The following STYXL2 variants were observed in gnomAD, a reference collection of about 807,000 sequenced individuals.
The protein encoded by STYXL2 is serine/threonine/tyrosine interacting like 2, also known as serine/threonine/tyrosine-interacting-like protein 2.
Under a neutral mutation model 52.4 loss-of-function variants are expected in STYXL2, and 44 were observed. That is an observed-to-expected ratio of 0.84 (90% CI 0.66 to 1.08). The LOEUF (loss-of-function observed/expected upper bound fraction) is 1.08, where lower values mean the gene tolerates loss of function less well. Ranked by LOEUF, STYXL2 falls within the 50% of genes least tolerant of loss-of-function variation. The pLI is 0.00. For missense variants in STYXL2, 1,604 were observed against 1,471.7 expected (o/e 1.09, Z -1.47); for synonymous variants, 604 against 586.9 (o/e 1.03, Z -0.42).
Position 167,128,073 on chromosome 1 carries a change from C to T in STYXL2, c.2942C>T (p.Ser981Phe), listed in dbSNP as rs942822032. Reference sequence around the variant, plus strand: ...TCTAAATCCTCCAGTTACAAGTTTTCCAAATCCCAGTCAGAGGAACAGGAC... The same window carrying T: ...TCTAAATCCTCCAGTTACAAGTTTTTCAAATCCCAGTCAGAGGAACAGGAC... ...TESKSSSYKF[S>F]KSQSEEQDTS... Residue 981 changes from serine to phenylalanine, a missense_variant, in exon 6 of 6, where the codon TCC (serine) becomes TTC (phenylalanine). Physicochemically the swap from Ser to Phe is radical, Grantham distance 155. Coordinates refer to ENST00000361200, the MANE Select transcript of STYXL2 (RefSeq NM_001080426.3). 3.7e-6 allele frequency: 6 copies of T among 1,614,074 alleles called. No homozygotes were observed. The Admixed American group carries it at 8.3e-5, about 22-fold the overall frequency.
chr1:167,119,175 A>T, intron 4 of STYXL2, 74 bp from the exon 5 acceptor site: 1 of 1,432,162 alleles, frequency 7.0e-7, no homozygotes, highest in Non-Finnish European at 9.7e-7. Context: ...TGGCTGAGGC[A>T]GGCTCACCGT....
At chr1:167,123,463 A>G (rs1425568632) in intron 5 of STYXL2, among the ~76,000 whole-genome samples, 1 of 152,214 alleles carries the variant, frequency 6.6e-6, no homozygotes, top group Non-Finnish European at 1.5e-5. Context: ...TCCACCTCCA[A>G]AGAAAACCAG....
intron 2 of STYXL2, among the ~76,000 whole-genome samples, chr1:167,101,180 T>G (rs558135243): frequency 5.6e-4 from 85 of 152,294 alleles, no homozygotes; most frequent in African/African-American, 1.7e-3. Context: ...TGAATACATA[T>G]TCACCAAAAA....
intron 4 of STYXL2, among the ~76,000 whole-genome samples, chr1:167,117,857 C>G (rs1667763402): frequency 6.6e-6 from 1 of 152,206 alleles, no homozygotes; most frequent in Admixed American, 6.5e-5. Flanking sequence ...CCGACTTCAC[C>G]ATCTCATGAC....
intron 2 of STYXL2, among the ~76,000 whole-genome samples, chr1:167,107,120 G>A (rs999132875): frequency 1.3e-5 from 2 of 152,152 alleles, no homozygotes; most frequent in African/African-American, 4.8e-5. Flanking sequence ...CTGTTGGCTG[G>A]GAGCTCAGCA....
chr1:167,113,642 T>C, intron 2 of STYXL2, 68 bp from the exon 3 acceptor site: 1 of 1,216,084 alleles, frequency 8.2e-7, no homozygotes, highest in Non-Finnish European at 1.2e-6. Context: ...GCCAGGTTTC[T>C]CATCTAAAAG....
chr1:167,127,404 C>A lies in STYXL2; in HGVS notation c.2273C>A (p.Pro758Gln). ...TCTGTTGCAAGCATGAAGGCAGTAC[C>A]AGCGGCTAGCTGCCTGGGGGATGAC... ...SPSVASMKAV[P>Q]AASCLGDDQV... The change falls in exon 6 of 6, where the codon CCA becomes CAA. Residue 758 changes from proline to glutamine, a missense_variant. By Grantham distance (76) the Pro-to-Gln change is moderately conservative. Transcript: ENST00000361200. 1 of 1,614,130 alleles carries A rather than the reference C, an allele frequency of 6.2e-7. No individual in the cohort carries two copies. Among genetic ancestry groups the A allele is most frequent in the Non-Finnish European group, 8.5e-7 (1 of 1,180,026 alleles).
chr1:167,104,545 T>C (rs1209353465), intron 2 of STYXL2, among the ~76,000 whole-genome samples: 4 of 152,160 alleles, frequency 2.6e-5, no homozygotes, highest in African/African-American at 7.2e-5. Context: ...TTTCGTTATG[T>C]TTCTTTGGGA....
chr1:167,112,063 G>A (rs115941624), intron 2 of STYXL2, among the ~76,000 whole-genome samples: 1,800 of 152,122 alleles, frequency 0.012, 32 homozygotes, highest in African/African-American at 0.041. Context: ...GGCCAGACCC[G>A]CCCATGCAGC....
At position 167,126,436 on chromosome 1, in the gene STYXL2, C is replaced by G. The variant is rs1236372286; in HGVS notation, c.1305C>G (p.Ser435Arg). ...SSVGRRRRTL[S>R]ESSAWESVSS... is the part of the protein sequence containing the mutation. ...TGGGGAGGCGGCGGCGCACCCTGAG[C>G]GAGAGCAGCGCCTGGGAGAGCGTGA... Residue 435 changes from serine (S) to arginine (R), a missense_variant, in exon 6 of 6, where the codon AGC becomes AGG. Coordinates refer to ENST00000361200, the MANE Select transcript of STYXL2 (RefSeq NM_001080426.3). 3.8e-6 allele frequency: 6 copies of G among 1,571,562 alleles called. No homozygotes were observed. Among genetic ancestry groups the G allele is most frequent in the Non-Finnish European group, 5.2e-6 (6 of 1,159,198 alleles).
At chr1:167,114,909 G>A (rs1359534535) in intron 3 of STYXL2, among the ~76,000 whole-genome samples, 1 of 151,948 alleles carries the variant, frequency 6.6e-6, no homozygotes, top group East Asian at 1.9e-4. Flanking sequence ...GCTCTAGAAA[G>A]TCTTTTCTTC....
rs1311929735 is a variant in STYXL2 at position 167,127,320 on chromosome 1, T to C, written c.2189T>C (p.Val730Ala). The change falls in exon 6 of 6, where the codon GTA (valine) becomes GCA (alanine). Residue 730 changes from valine (V) to alanine (A), a missense_variant. Coordinates refer to ENST00000361200, the MANE Select transcript of STYXL2 (RefSeq NM_001080426.3). ...IASIQNWIANVVSETLAQKQN... is the reference protein window; with the variant it reads ...IASIQNWIANAVSETLAQKQN... ...AGTATCCAGAACTGGATTGCCAATG[T>C]AGTCAGTGAGACCCTTGCTCAGAAG... 1.2e-6 allele frequency: 2 copies of C among 1,614,196 alleles called. No homozygotes were observed. Among genetic ancestry groups the C allele is most frequent in the South Asian group, 1.1e-5 (1 of 91,084 alleles).
At position 167,107,888 on chromosome 1, in the gene STYXL2, G is replaced by A. The variant is rs534644145; in HGVS notation, c.111-5822G>A. ...TCAAGGAAGACTTCCCTAAAGAAGG[G>A]ACGATTGAACTAAAATCTGAAAAAT... On this transcript the variant is annotated intron_variant, in intron 2 of 5. Transcript: ENST00000361200. 2.0e-3 allele frequency among the ~76,000 whole-genome samples: 306 copies of A among 152,306 alleles called. 2 individuals carry two copies. Among genetic ancestry groups the A allele is most frequent in the Non-Finnish European group, 3.3e-3 (227 of 68,036 alleles).
At chr1:167,111,466 GTACATATATATATATATATATATATATA>G (rs1558021082) in intron 2 of STYXL2, among the ~76,000 whole-genome samples, 1 of 78,464 alleles carries the variant, frequency 1.3e-5, no homozygotes, top group African/African-American at 4.0e-5. Flanking sequence ...GGAAAATATG[GTACATATATATATATATATATATATATA>G]TATATATATA....
At chr1:167,119,489 G>A (rs1553248454) in intron 5 of STYXL2, 23 bp downstream of exon 5, 2 of 1,606,212 alleles carry the variant, frequency 1.2e-6, no homozygotes, top group South Asian at 2.2e-5. Context: ...TGCCGCTCCA[G>A]GCTGCTGGAA....
rs769257794 is a variant in STYXL2 at position 167,128,059 on chromosome 1, C to T, written c.2928C>T (p.Ser976=). ...SLLRETESKS[S]SYKFSKSQSE... Reference sequence around the variant, plus strand: ...TCAGGGAGACAGAGTCTAAATCCTCCAGTTACAAGTTTTCCAAATCCCAGT... The same window carrying T: ...TCAGGGAGACAGAGTCTAAATCCTCTAGTTACAAGTTTTCCAAATCCCAGT... Residue 976 remains serine (S), a synonymous_variant, in exon 6 of 6, where the codon TCC becomes TCT. Coordinates refer to ENST00000361200, the MANE Select transcript of STYXL2 (RefSeq NM_001080426.3). 1 of 1,614,196 alleles carries T rather than the reference C, an allele frequency of 6.2e-7. No individual in the cohort carries two copies. The highest frequency in any genetic ancestry group is 1.1e-5 in the South Asian group (1 of 91,074).
At chr1:167,117,835 C>T (rs1174931408) in intron 4 of STYXL2, among the ~76,000 whole-genome samples, 1 of 152,228 alleles carries the variant, frequency 6.6e-6, no homozygotes, top group Non-Finnish European at 1.5e-5. Context: ...CCTTTCCTGC[C>T]ACAGAGTCTT....
rs67628760 is a variant in STYXL2, at chr1:167,129,076, A to AT, written c.*481dup. ...CCTCTCCTGGCAATGCTCAGTTCTG[A>AT]TTTTTTTTTTTTTAATGTTTTGAGT... On this transcript the variant is annotated 3_prime_UTR_variant, in exon 6 of 6. Coordinates refer to ENST00000361200, the MANE Select transcript of STYXL2 (RefSeq NM_001080426.3). The AT allele has an allele frequency of 6.5e-4, 97 of 149,678 alleles. No homozygotes were observed. Among genetic ancestry groups the AT allele is most frequent in the Non-Finnish European group, 6.6e-4 (45 of 67,674 alleles). The allele number at this position is 149,678 out of a possible 1,614,324, so 9.3% of individuals were successfully genotyped here.
At chr1:167,096,514 C>T (rs1047725354) in intron 2 of STYXL2, among the ~76,000 whole-genome samples, 3 of 152,186 alleles carry the variant, frequency 2.0e-5, no homozygotes, top group African/African-American at 4.8e-5. Context: ...AAGACTCCTT[C>T]TGTCTTGAAG....
Sources: gnomAD v4.1 joint callset for allele counts (sites outside exome capture counted in the v4.1 genomes callset) on GRCh38, gnomAD v4.1.1 for gene constraint, MANE v1.5 for transcripts, NCBI Gene and HGNC (gene_info 2026-07-23, HGNC 2026-07-21) for gene names.